The following HENMT1 variants were observed in gnomAD, a reference collection of about 807,000 sequenced individuals.
The protein encoded by HENMT1 is small RNA 2'-O-methyltransferase.
Under a neutral mutation model 31.1 loss-of-function variants are expected in HENMT1, and 27 were observed. The ratio of observed to expected loss-of-function variants is 0.87; its 90% CI spans 0.64 to 1.20. HENMT1 has a LOEUF of 1.20. HENMT1 is among the 50% of genes most tolerant of loss of function. HENMT1 has a pLI of 0.00. For missense variants in HENMT1, 438 were observed against 469.6 expected, an observed-to-expected ratio of 0.93 and a Z score of 0.62; for synonymous variants, 167 against 172.2, an observed-to-expected ratio of 0.97 and a Z score of 0.24.
chr1:108,658,011 A>G (rs1292416239), intron 2 of HENMT1, among the ~76,000 whole-genome samples: 3 of 148,782 alleles, frequency 2.0e-5, no homozygotes, highest in African/African-American at 7.5e-5. Flanking sequence ...ACACACACAT[A>G]TATGTACACA....
Position 108,648,997 on chromosome 1 carries a change from G to A in HENMT1, c.757-6C>T. On this transcript the variant is annotated splice_polypyrimidine_tract_variant and splice_region_variant and intron_variant, in intron 7 of 7. Transcript: ENST00000651461. ...GGGTATGAGGTGGTAAAAACCTGAA[G>A]GGAAAAAACAAAACACTTACAAGTG... 6.4e-7 allele frequency: 1 copy of A among 1,560,738 alleles called. No homozygotes were observed. The highest frequency in any genetic ancestry group is 1.2e-5 in the South Asian group (1 of 83,878).
intron 3 of HENMT1, among the ~76,000 whole-genome samples, chr1:108,657,089 C>T (rs138530541): frequency 0.012 from 1,782 of 152,264 alleles, 33 homozygotes; most frequent in African/African-American, 0.041. Context: ...CTTGTCCCCA[C>T]TGATCAATGG....
At position 108,648,599 on chromosome 1, in the gene HENMT1, C is replaced by G; in HGVS notation, c.1149G>C (p.Leu383=). The G allele has an allele frequency of 6.2e-7, 1 of 1,613,842 alleles. No individual in the cohort carries two copies. The highest frequency in any genetic ancestry group is 1.1e-5 in the South Asian group (1 of 91,056). Residue 383 remains leucine (L), a synonymous_variant, in exon 8 of 8, where the codon CTG becomes CTC. Transcript: ENST00000651461. ...CAAACTGTTCATCAAAATAATTACG[C>G]AGGTCAGCCACCACTGCAGAACCAT... The part of the protein sequence containing the change: ...SSDGSAVVAD[L]RNYFDEQFEF
At position 108,650,255 on chromosome 1, in the gene HENMT1, C is replaced by T. The variant is rs1658009938; in HGVS notation, c.712G>A (p.Glu238Lys). Reference sequence around the variant, plus strand: ...TCATGCTGCTCTGAAAGACATGATTCTGTTGCCTTTCCTCCATTTTTCCGG... The same window carrying T: ...TCATGCTGCTCTGAAAGACATGATTTTGTTGCCTTTCCTCCATTTTTCCGG... The part of the protein sequence containing the change: ...IFRKNGGKAT[E>K]SCLSEQHDQH... The change falls in exon 7 of 8, where the codon GAA (glutamate) becomes AAA (lysine). Residue 238 changes from glutamate to lysine, a missense_variant. Glu to Lys is a moderately conservative substitution (Grantham distance 56). Transcript: ENST00000651461. 6.2e-7 allele frequency: 1 copy of T among 1,614,024 alleles called. No individual in the cohort carries two copies. Among genetic ancestry groups the T allele is most frequent in the African/African-American group, 1.3e-5 (1 of 74,922 alleles).
At chr1:108,661,132 G>C, upstream of HENMT1, 1 of 396,102 alleles carries the variant, frequency 2.5e-6, no homozygotes, top group South Asian at 1.0e-4. Flanking sequence ...TACCGCCGCG[G>C]CTACGCCGGC....
At chr1:108,660,134 A>C (rs542676135) in intron 1 of HENMT1, among the ~76,000 whole-genome samples, 172 bp from the exon 2 acceptor site, 1 of 151,810 alleles carries the variant, frequency 6.6e-6, no homozygotes, top group African/African-American at 2.4e-5. Flanking sequence ...AAAAAAAAAA[A>C]AAAACACGAA....
rs758339785 is a variant in HENMT1 at position 108,651,236 on chromosome 1, A to G, written c.399-27T>C. On this transcript the variant is annotated intron_variant, in intron 5 of 7. Transcript: ENST00000651461. ...TAAAATGGTTAATGAGAAAGACATA[A>G]TAAAATCTAGCTTCACTTGCACCTA... is the stretch of plus-strand genomic sequence containing the variant. 5 of 1,577,186 alleles carry G rather than the reference A, an allele frequency of 3.2e-6. No homozygotes were observed. In the South Asian group the frequency reaches 5.7e-5, roughly 18 times the overall value.
chr1:108,659,871 T>A lies in HENMT1; in HGVS notation c.14A>T (p.Asn5Ile). 6.3e-7 allele frequency: 1 copy of A among 1,580,894 alleles called. No individual in the cohort carries two copies. The highest frequency in any genetic ancestry group is 8.6e-7 in the Non-Finnish European group (1 of 1,156,492). The change falls in exon 2 of 8, where the codon AAT (asparagine) becomes ATT (isoleucine). Residue 5 changes from asparagine (N) to isoleucine (I), a missense_variant. Asn to Ile is a moderately radical substitution (Grantham distance 149, BLOSUM62 -3). Coordinates refer to ENST00000651461, the MANE Select transcript of HENMT1 (RefSeq NM_001102592.2). ...TAAGAAGGGTGGCATTACCTGTAGA[T>A]TATTTTCTTCCATTTTGTTTCGAAG... Reference protein sequence around the residue: MEENNLQCSSVVDGN... With the variant: MEENILQCSSVVDGN...
At position 108,661,026 on chromosome 1, in the gene HENMT1, C is replaced by A. The variant is rs1658451077; in HGVS notation, c.-142G>T. 1 of 984,754 alleles carries A rather than the reference C, an allele frequency of 1.0e-6. No individual in the cohort carries two copies. Among genetic ancestry groups the A allele is most frequent in the Non-Finnish European group, 1.2e-6 (1 of 829,314 alleles). 61.0% of individuals were successfully genotyped at this position (984,754 alleles called of 1,614,324 possible). A position where few individuals can be genotyped will look rare whatever the true frequency, so the allele number is the denominator to read the frequency against. On this transcript the variant is annotated 5_prime_UTR_variant, in exon 1 of 8. Transcript: ENST00000651461. ...CCATCATCCTGCGGTAAGCAGCATG[C>A]CCAACCGAAAAAACAAAGCTCGTCG...
At chr1:108,658,379 C>T (rs756522109) in intron 2 of HENMT1, among the ~76,000 whole-genome samples, 3 of 152,238 alleles carry the variant, frequency 2.0e-5, no homozygotes, top group South Asian at 2.1e-4. Context: ...GTGATCCACC[C>T]GCCTTGGCCT....
chr1:108,660,643 G>A (rs115173381), intron 1 of HENMT1, among the ~76,000 whole-genome samples: 1 of 152,198 alleles, frequency 6.6e-6, no homozygotes, highest in South Asian at 2.1e-4. Flanking sequence ...AAGAAACCCT[G>A]GCCGGGCGCG....
intron 2 of HENMT1, among the ~76,000 whole-genome samples, chr1:108,657,990 TATAC>T (rs1229766965): frequency 7.6e-4 from 106 of 140,122 alleles, no homozygotes; most frequent in African/African-American, 1.8e-3. Flanking sequence ...CACACATATA[TATAC>T]ACACACACAC....
chr1:108,652,043 T>C (rs1314503215), intron 5 of HENMT1, among the ~76,000 whole-genome samples: 1 of 152,184 alleles, frequency 6.6e-6, no homozygotes, highest in Non-Finnish European at 1.5e-5. Flanking sequence ...CACATATTCT[T>C]CAGAAATATC....
chr1:108,661,010 T>C lies in HENMT1; in HGVS notation c.-126A>G, dbSNP rs1168519184. 13 of 984,846 alleles carry C rather than the reference T, an allele frequency of 1.3e-5. No individual in the cohort carries two copies. The highest frequency in any genetic ancestry group is 1.6e-5 in the Non-Finnish European group (13 of 829,782). The allele number at this position is 984,846 out of a possible 1,614,324, so 61.0% of individuals were successfully genotyped here. On this transcript the variant is annotated 5_prime_UTR_variant, in exon 1 of 8. Coordinates refer to ENST00000651461, the MANE Select transcript of HENMT1 (RefSeq NM_001102592.2). ...GTACGGGCCGTCGCTTCCATCATCC[T>C]GCGGTAAGCAGCATGCCCAACCGAA... is the stretch of plus-strand genomic sequence containing the variant.
At chr1:108,657,410 C>T in intron 3 of HENMT1, 41 bp downstream of exon 3, 1 of 1,459,304 alleles carries the variant, frequency 6.9e-7, no homozygotes, top group Non-Finnish European at 9.6e-7. Context: ...GACTAGTCTA[C>T]TAGTCTTAAT....
At chr1:108,651,466 G>A (rs1484315162) in intron 5 of HENMT1, 2 of 358,076 alleles carry the variant, frequency 5.6e-6, no homozygotes, top group Non-Finnish European at 1.0e-5. Context: ...CCAACATGAT[G>A]AAACCTTGTC....
chr1:108,653,704 T>C (rs1002187304), intron 5 of HENMT1, among the ~76,000 whole-genome samples: 38 of 152,230 alleles, frequency 2.5e-4, no homozygotes, highest in Non-Finnish European at 1.0e-4. Context: ...TTCATCTACT[T>C]GTTAACCATC....
intron 2 of HENMT1, among the ~76,000 whole-genome samples, chr1:108,659,149 T>C (rs1658360064): frequency 6.6e-6 from 1 of 152,240 alleles, no homozygotes; most frequent in Non-Finnish European, 1.5e-5. Context: ...TCATCAGAAA[T>C]ACTTGTCTGT....
At chr1:108,650,988 T>TC (rs1557738615) in intron 6 of HENMT1, 42 bp downstream of exon 6, 2 of 1,419,118 alleles carry the variant, frequency 1.4e-6, no homozygotes, top group Non-Finnish European at 2.0e-6. Flanking sequence ...GATTTTAAAC[T>TC]CCAACAGGAT....
Sources: allele counts gnomAD v4.1 joint callset (sites outside exome capture counted in the v4.1 genomes callset), GRCh38; gene constraint gnomAD v4.1.1; transcripts MANE v1.5; gene names NCBI Gene and HGNC (gene_info 2026-07-23, HGNC 2026-07-21).